Variants in ALPK1 observed in about 807,000 individuals in gnomAD.
The protein encoded by ALPK1 is alpha kinase 1, also known as alpha-protein kinase 1.
A neutral mutation model predicts 120.6 loss-of-function variants in ALPK1; 110 were observed. The ratio of observed to expected loss-of-function variants is 0.91; its 90% CI spans 0.78 to 1.07. ALPK1 has a LOEUF of 1.07. Among genes scored for constraint, ALPK1 ranks in the 50% least tolerant of loss-of-function variants. The probability of loss-of-function intolerance (pLI) is 0.00; values close to 1 mark genes in which losing one functional copy is unlikely to be tolerated. For synonymous variants in ALPK1, 582 were observed against 560.3 expected, an observed-to-expected ratio of 1.04 and a Z score of -0.55; for missense variants, 1,498 against 1,483.9, an observed-to-expected ratio of 1.01 and a Z score of -0.16.
intron 3 of ALPK1, among the ~76,000 whole-genome samples, chr4:112,379,691 C>G (rs2148727644): frequency 6.6e-6 from 1 of 152,352 alleles, no homozygotes; most frequent in Admixed American, 6.5e-5. Flanking sequence ...GCAACACAAA[C>G]ACTGAGGTTT....
intron 5 of ALPK1, among the ~76,000 whole-genome samples, chr4:112,415,722 C>T (rs545491134): frequency 3.3e-5 from 5 of 151,888 alleles, no homozygotes; most frequent in Admixed American, 2.0e-4. Context: ...GAACAGGCAG[C>T]GCATGCAAGT....
At chr4:112,409,691 A>G (rs1017303430) in intron 4 of ALPK1, among the ~76,000 whole-genome samples, 3 of 152,180 alleles carry the variant, frequency 2.0e-5, no homozygotes, top group Non-Finnish European at 4.4e-5. Flanking sequence ...AAGAGAAGTC[A>G]TACATGCCCA....
chr4:112,347,340 T>G (rs2148709017), intron 2 of ALPK1, among the ~76,000 whole-genome samples: 1 of 152,360 alleles, frequency 6.6e-6, no homozygotes, highest in Non-Finnish European at 1.5e-5. Context: ...ATTTGAACTT[T>G]GACAAATCAC....
chr4:112,377,828 G>C lies in ALPK1; in HGVS notation c.51G>C (p.Val17=). The change falls in exon 3 of 16, where the codon GTG becomes GTC. Residue 17 remains valine, a synonymous_variant. Transcript: ENST00000650871. ...VAVLLQECKQ[V]LDQLLLEAPD... ...TGCTACTGCAAGAGTGCAAGCAAGTGCTGGATCAGCTCTTGTTGGAAGCGC... is the reference window on the plus strand; with the variant it reads ...TGCTACTGCAAGAGTGCAAGCAAGTCCTGGATCAGCTCTTGTTGGAAGCGC... The C allele has an allele frequency of 6.2e-7, 1 of 1,613,680 alleles. No homozygotes were observed. The highest frequency in any genetic ancestry group is 8.5e-7 in the Non-Finnish European group (1 of 1,179,776).
intron 5 of ALPK1, among the ~76,000 whole-genome samples, chr4:112,420,388 T>G (rs1383078626): frequency 6.6e-6 from 1 of 152,188 alleles, no homozygotes; most frequent in African/African-American, 2.4e-5. Flanking sequence ...CCCTCTCATG[T>G]GCAAAATACA....
At chr4:112,348,876 C>T (rs761136381) in intron 2 of ALPK1, among the ~76,000 whole-genome samples, 1 of 152,150 alleles carries the variant, frequency 6.6e-6, no homozygotes, top group Non-Finnish European at 1.5e-5. Flanking sequence ...TTGTGTGTGT[C>T]TCGGAGCAAA....
chr4:112,427,506 A>G (rs559793823), intron 8 of ALPK1, 64 bp from the exon 9 acceptor site: 2 of 1,139,250 alleles, frequency 1.8e-6, no homozygotes, highest in South Asian at 2.5e-5. Context: ...CCTTTAGGCC[A>G]TGGATGAGAG....
intron 2 of ALPK1, among the ~76,000 whole-genome samples, chr4:112,347,762 A>G (rs943587654): frequency 7.9e-5 from 12 of 152,254 alleles, no homozygotes. Flanking sequence ...TTGATGCATT[A>G]AACTTCTAAG....
At chr4:112,346,093 C>T (rs370706985) in intron 2 of ALPK1, among the ~76,000 whole-genome samples, 10 of 152,320 alleles carry the variant, frequency 6.6e-5, no homozygotes, top group African/African-American at 2.2e-4. Context: ...GAACTCCCAA[C>T]CTCAGGTGAT....
intron 1 of ALPK1, among the ~76,000 whole-genome samples, chr4:112,297,957 C>A (rs781492146): frequency 6.6e-6 from 1 of 152,078 alleles, no homozygotes; most frequent in Non-Finnish European, 1.5e-5. Flanking sequence ...AGATAAGGCA[C>A]GAGACTTACT....
chr4:112,320,893 C>CTTTTTTTT (rs1430803675), intron 2 of ALPK1, among the ~76,000 whole-genome samples: 2 of 119,208 alleles, frequency 1.7e-5, no homozygotes, highest in African/African-American at 7.5e-5. Context: ...TCACCCATTT[C>CTTTTTTTT]TTTCTTTTTT....
At chr4:112,347,672 A>G (rs1001875231) in intron 2 of ALPK1, among the ~76,000 whole-genome samples, 4 of 152,234 alleles carry the variant, frequency 2.6e-5, no homozygotes, top group Non-Finnish European at 4.4e-5. Flanking sequence ...GTAACCTTCC[A>G]AATACCAAAT....
rs1578578693 is a variant in ALPK1 at position 112,438,747 on chromosome 4, C to T, written c.3351+101C>T. ...CACATAATCAGGCTAGCATTTTTAG[C>T]AAACTATCCTTGTGTGTTGTCCCTG... On this transcript the variant is annotated intron_variant, in intron 13 of 15. Transcript: ENST00000650871. 23 of 1,335,196 alleles carry T rather than the reference C, an allele frequency of 1.7e-5. 1 individual carries two copies. The East Asian group carries it at 4.9e-4, about 28-fold the overall frequency. The allele number at this position is 1,335,196 out of a possible 1,614,324, so 82.7% of individuals were successfully genotyped here.
chr4:112,410,651 G>A (rs1733412555), intron 4 of ALPK1, among the ~76,000 whole-genome samples: 1 of 152,172 alleles, frequency 6.6e-6, no homozygotes. Flanking sequence ...AATAGTATTT[G>A]GGTGATAAAC....
intron 2 of ALPK1, among the ~76,000 whole-genome samples, chr4:112,363,211 C>G (rs1446547365): frequency 2.0e-5 from 3 of 152,102 alleles, no homozygotes; most frequent in Admixed American, 2.0e-4. Context: ...TAACAAATAG[C>G]ATGATGAATA....
intron 12 of ALPK1, 34 bp downstream of exon 12, chr4:112,435,335 A>G (rs1734744979): frequency 2.5e-6 from 4 of 1,587,274 alleles, no homozygotes; most frequent in Non-Finnish European, 3.4e-6. Context: ...AACTAATGTA[A>G]GATGAGCTAA....
At chr4:112,413,166 T>TCTGATGG (rs1426456643) in intron 5 of ALPK1, among the ~76,000 whole-genome samples, 1 of 152,226 alleles carries the variant, frequency 6.6e-6, no homozygotes, top group Non-Finnish European at 1.5e-5. Context: ...TGTTGTTCCT[T>TCTGATGG]CTGATGGTGT....
At chr4:112,403,588 C>T (rs1733025417) in intron 4 of ALPK1, among the ~76,000 whole-genome samples, 1 of 152,138 alleles carries the variant, frequency 6.6e-6, no homozygotes, top group Non-Finnish European at 1.5e-5. Context: ...TTTAGATTTT[C>T]CACAATGCTA....
intron 12 of ALPK1, among the ~76,000 whole-genome samples, chr4:112,437,882 AGTAAAGT>A (rs996927534): frequency 2.0e-5 from 3 of 152,214 alleles, no homozygotes; most frequent in African/African-American, 7.2e-5. Flanking sequence ...TATAAACTAC[AGTAAAGT>A]GCAGCACTGT....
Sources: allele counts gnomAD v4.1 joint callset (sites outside exome capture counted in the v4.1 genomes callset), GRCh38; gene constraint gnomAD v4.1.1; transcripts MANE v1.5; gene names NCBI Gene and HGNC (gene_info 2026-07-23, HGNC 2026-07-21).